RALYL: variants seen among roughly 807,000 people sequenced by gnomAD.
The protein encoded by RALYL is RNA-binding Raly-like protein.
In RALYL, 29 loss-of-function variants were observed where a neutral mutation model predicts 35.1. The ratio of observed to expected loss-of-function variants is 0.83; its 90% CI spans 0.61 to 1.13. RALYL has a LOEUF of 1.13. Among genes scored for constraint, RALYL ranks in the 50% most tolerant of loss-of-function variants. The probability of loss-of-function intolerance (pLI) is 0.00; values close to 1 mark genes in which losing one functional copy is unlikely to be tolerated. For synonymous variants in RALYL, 120 were observed against 127.6 expected, an observed-to-expected ratio of 0.94 and a Z score of 0.40; for missense variants, 359 against 360.4, an observed-to-expected ratio of 1.00 and a Z score of 0.03.
intron 8 of RALYL, among the ~76,000 whole-genome samples, chr8:84,913,040 G>GTAGGTAGGTAGATAGGTAGA (rs372305617): frequency 1.5e-5 from 2 of 130,060 alleles, no homozygotes; most frequent in Non-Finnish European, 3.2e-5. Context: ...GGATAGGTAG[G>GTAGGTAGGTAGATAGGTAGA]TAGATAGATA....
chr8:84,329,372 T>C (rs1322341751), intron 1 of RALYL, among the ~76,000 whole-genome samples: 5 of 152,204 alleles, frequency 3.3e-5, no homozygotes, highest in African/African-American at 1.2e-4. Context: ...TAGAATATTT[T>C]GTCATGTTTA....
intron 1 of RALYL, among the ~76,000 whole-genome samples, chr8:84,364,573 A>G (rs923659132): frequency 6.6e-6 from 1 of 152,164 alleles, no homozygotes; most frequent in African/African-American, 2.4e-5. Context: ...AAGTATGACC[A>G]TGATTTAATA....
chr8:84,290,073 C>A (rs1205646745), intron 1 of RALYL, among the ~76,000 whole-genome samples: 1 of 152,158 alleles, frequency 6.6e-6, no homozygotes, highest in Non-Finnish European at 1.5e-5. Context: ...TGCATAGAGA[C>A]AATCACTGCT....
intron 2 of RALYL, among the ~76,000 whole-genome samples, chr8:84,536,995 A>G (rs2059655083): frequency 6.6e-6 from 1 of 151,972 alleles, no homozygotes; most frequent in South Asian, 2.1e-4. Flanking sequence ...TTAAACATCC[A>G]ATTTTCCTAC....
chr8:84,783,139 T>A (rs970368012), intron 3 of RALYL, among the ~76,000 whole-genome samples: 67 of 102,368 alleles, frequency 6.5e-4, no homozygotes, highest in African/African-American at 3.2e-3. Context: ...GAGGGTAGCA[T>A]GAAAGAAATT....
intron 2 of RALYL, among the ~76,000 whole-genome samples, chr8:84,729,087 T>C (rs1845596017): frequency 6.6e-6 from 1 of 152,220 alleles, no homozygotes; most frequent in African/African-American, 2.4e-5. Flanking sequence ...TTTCATGATA[T>C]TGATTCTTCC....
At chr8:84,433,651 C>T (rs998435845) in intron 1 of RALYL, among the ~76,000 whole-genome samples, 2 of 152,020 alleles carry the variant, frequency 1.3e-5, no homozygotes, top group African/African-American at 2.4e-5. Context: ...TTTTCCCTTG[C>T]TGCCACCATG....
Position 84,570,517 on chromosome 8 carries a change from C to A in RALYL, c.256+40940C>A, listed in dbSNP as rs565115314. Among the ~76,000 whole-genome samples the A allele has an allele frequency of 2.0e-5, 3 of 151,894 alleles. No individual in the cohort carries two copies. In the South Asian group the frequency reaches 6.2e-4, roughly 32 times the overall value. Reference sequence around the variant, plus strand: ...GGGTTGTCTAGGTATACAATGATGTCATCAGGACCAGAGATAATTTGACTT... The same window carrying A: ...GGGTTGTCTAGGTATACAATGATGTAATCAGGACCAGAGATAATTTGACTT... On this transcript the variant is annotated intron_variant, in intron 2 of 8. Coordinates refer to ENST00000521268, the MANE Select transcript of RALYL (RefSeq NM_173848.7).
intron 2 of RALYL, among the ~76,000 whole-genome samples, chr8:84,633,382 A>T (rs1472969736): frequency 6.6e-6 from 1 of 151,482 alleles, no homozygotes; most frequent in Non-Finnish European, 1.5e-5. Flanking sequence ...CCCTGACTTT[A>T]AAAAAAAATT....
At chr8:84,254,257 A>AT (rs1443266444) in intron 1 of RALYL, among the ~76,000 whole-genome samples, 2 of 152,082 alleles carry the variant, frequency 1.3e-5, no homozygotes, top group Admixed American at 1.3e-4. Context: ...GCAGTAAACT[A>AT]TTTTTTGCTT....
chr8:84,768,707 A>G (rs564736780), intron 2 of RALYL, among the ~76,000 whole-genome samples: 1 of 152,066 alleles, frequency 6.6e-6, no homozygotes, highest in Non-Finnish European at 1.5e-5. Flanking sequence ...ACCATTAAAA[A>G]CTCAAAAATC....
chr8:84,507,499 G>A (rs186981258), intron 1 of RALYL, among the ~76,000 whole-genome samples: 2 of 152,226 alleles, frequency 1.3e-5, no homozygotes, highest in African/African-American at 2.4e-5. Flanking sequence ...TGGTTAGTAT[G>A]TTGCAATTAG....
chr8:84,497,650 T>G (rs1776504297), intron 1 of RALYL, among the ~76,000 whole-genome samples: 2 of 148,588 alleles, frequency 1.3e-5, no homozygotes, highest in African/African-American at 4.9e-5. Flanking sequence ...TTGTTTTTTT[T>G]TTTTTTTTTG....
intron 7 of RALYL, among the ~76,000 whole-genome samples, chr8:84,874,473 G>T (rs1392957072): frequency 6.6e-6 from 1 of 152,004 alleles, no homozygotes; most frequent in Non-Finnish European, 1.5e-5. Flanking sequence ...CCAATCTCAG[G>T]TTCTCCTCAG....
At chr8:84,816,500 A>AACTT (rs1827322882) in intron 4 of RALYL, among the ~76,000 whole-genome samples, 1 of 148,794 alleles carries the variant, frequency 6.7e-6, no homozygotes, top group African/African-American at 2.6e-5. Flanking sequence ...GGTTAAAAAA[A>AACTT]ACTTCAGATT....
chr8:84,645,956 A>G (rs941746033), intron 2 of RALYL, among the ~76,000 whole-genome samples: 4 of 151,926 alleles, frequency 2.6e-5, no homozygotes, highest in Non-Finnish European at 4.4e-5. Flanking sequence ...TATGGTTTGG[A>G]ATTGCTCACA....
At chr8:84,903,718 T>C (rs1276924083) in intron 8 of RALYL, among the ~76,000 whole-genome samples, 1 of 152,174 alleles carries the variant, frequency 6.6e-6, no homozygotes, top group African/African-American at 2.4e-5. Flanking sequence ...TATAGTTCTA[T>C]GATGCCAAGC....
intron 1 of RALYL, among the ~76,000 whole-genome samples, chr8:84,485,675 T>C (rs2054537125): frequency 6.6e-6 from 1 of 152,196 alleles, no homozygotes. Context: ...CCATTTCAGT[T>C]ATTCAGGACA....
intron 8 of RALYL, among the ~76,000 whole-genome samples, chr8:84,897,765 G>C (rs1475179877): frequency 1.3e-5 from 2 of 152,112 alleles, no homozygotes; most frequent in African/African-American, 4.8e-5. Flanking sequence ...TTAAATAATG[G>C]AAACTCAGTA....
Sources: allele counts gnomAD v4.1 joint callset (sites outside exome capture counted in the v4.1 genomes callset), GRCh38; gene constraint gnomAD v4.1.1; transcripts MANE v1.5; gene names NCBI Gene and HGNC (gene_info 2026-07-23, HGNC 2026-07-21).